CELA3B: variants seen among roughly 807,000 people sequenced by gnomAD.
CELA3B encodes chymotrypsin like elastase 3B.
CELA3B carries 34 observed loss-of-function variants against 37.2 expected under a neutral mutation model. The observed-to-expected ratio is 0.91, with a 90% CI of 0.70 to 1.22. CELA3B has a LOEUF of 1.22. Ranked by LOEUF, CELA3B falls within the 50% of genes most tolerant of loss-of-function variation. CELA3B has a pLI of 0.00. For synonymous variants in CELA3B, 127 were observed against 143.5 expected, an observed-to-expected ratio of 0.89 and a Z score of 0.82; for missense variants, 340 against 363.1, an observed-to-expected ratio of 0.94 and a Z score of 0.52.
chr1:21,998,336 A>G (rs1355526208), exon 5 of CELA3B: 14 of 406,530 alleles, frequency 3.4e-5, no homozygotes, highest in South Asian at 7.3e-5. Flanking sequence ...ACTGGGTTAT[A>G]TTCTGGGAGC....
At chr1:21,984,827 A>C (rs1460351066) in intron 6 of CELA3B, among the ~76,000 whole-genome samples, 1 of 150,952 alleles carries the variant, frequency 6.6e-6, no homozygotes, top group African/African-American at 2.4e-5. Context: ...GGTGCCTGTA[A>C]TCCCAGTTAT....
At position 21,980,715 on chromosome 1, in the gene CELA3B, T is replaced by C. The variant is rs891697083; in HGVS notation, c.130-109T>C. ...TTTCAGTGGGTGCTCTTGTTTTCCG[T>C]GTGAATGGCGCCCTCTAGAGTTGCA... On this transcript the variant is annotated intron_variant, in intron 2 of 7. Coordinates refer to ENST00000337107, the MANE Select transcript of CELA3B (RefSeq NM_007352.4). The C allele has an allele frequency of 2.3e-5, 18 of 797,400 alleles. No homozygotes were observed. The African/African-American group carries it at 2.6e-4, about 11-fold the overall frequency. The allele number at this position is 797,400 out of a possible 1,614,324, so 49.4% of individuals were successfully genotyped here.
At chr1:21,989,036 G>A (rs560318307) in intron 7 of CELA3B, among the ~76,000 whole-genome samples, 46 of 151,654 alleles carry the variant, frequency 3.0e-4, no homozygotes, top group Non-Finnish European at 6.2e-4. Flanking sequence ...CTAAATTCAT[G>A]CTGGCCATTG....
Position 21,986,685 on chromosome 1 carries a change from T to G in CELA3B, c.795+2T>G, listed in dbSNP as rs1569847965. The stretch of plus-strand genomic sequence containing the variant: ...GCCTTCATTGACTGGATTGAGGAGG[T>G]GAGGAGGGCAGGGCGGCCCGGAGGG... On this transcript the variant is annotated splice_donor_variant, in intron 7 of 7. Coordinates refer to ENST00000337107, the MANE Select transcript of CELA3B (RefSeq NM_007352.4). LOFTEE classifies it high-confidence loss of function. 1 of 1,611,344 alleles carries G rather than the reference T, an allele frequency of 6.2e-7. No homozygotes were observed. Among genetic ancestry groups the G allele is most frequent in the African/African-American group, 1.3e-5 (1 of 74,256 alleles).
chr1:21,983,301 G>A (rs1221990000), intron 4 of CELA3B, among the ~76,000 whole-genome samples: 1 of 151,960 alleles, frequency 6.6e-6, no homozygotes, highest in Admixed American at 6.6e-5. Context: ...GTTGCAGTGA[G>A]CCGAGATCAT....
downstream of CELA3B, among the ~76,000 whole-genome samples, chr1:21,994,001 G>A (rs1387483285): frequency 2.7e-5 from 4 of 150,204 alleles, no homozygotes; most frequent in African/African-American, 9.9e-5. Context: ...TCAGCAGCCA[G>A]AGACATGCTT....
Position 21,986,610 on chromosome 1 carries a change from C to T in CELA3B, c.722C>T (p.Ala241Val), listed in dbSNP as rs114895362. 1.2e-6 allele frequency: 2 copies of T among 1,613,626 alleles called. No homozygotes were observed. Among genetic ancestry groups the T allele is most frequent in the Non-Finnish European group, 1.7e-6 (2 of 1,179,714 alleles). Residue 241 changes from alanine (A) to valine (V), a missense_variant, in exon 7 of 8, where the codon GCC becomes GTC. Ala to Val is a moderately conservative substitution (Grantham distance 64). Transcript: ENST00000337107. ...QVHGVTSFVS[A>V]FGCNTRRKPT... ...CATGGCGTGACCAGCTTTGTTTCTG[C>T]CTTTGGCTGCAACACCCGCAGGAAG...
chr1:21,989,107 T>A (rs1299340652), intron 7 of CELA3B, among the ~76,000 whole-genome samples, 155 bp from the exon 8 acceptor site: 1 of 151,980 alleles, frequency 6.6e-6, no homozygotes, highest in Non-Finnish European at 1.5e-5. Flanking sequence ...GTTCTATCAT[T>A]ATCCCTACTA....
chr1:21,981,210 C>T, intron 4 of CELA3B, 38 bp downstream of exon 4: 2 of 1,603,820 alleles, frequency 1.2e-6, no homozygotes, highest in East Asian at 4.5e-5. Context: ...AGAGGCTCCT[C>T]TACTCATCCC....
rs762955133 is a variant in CELA3B at position 21,983,693 on chromosome 1, G to A, written c.363-1G>A. The A allele has an allele frequency of 1.2e-6, 2 of 1,613,554 alleles. No individual in the cohort carries two copies. Among genetic ancestry groups the A allele is most frequent in the South Asian group, 1.1e-5 (1 of 91,052 alleles). Reference sequence around the variant, plus strand: ...CCCCGTGACTGTTCCCTCCTCCCCAGCAATGACATCGCCCTCATCAAGCTC... The same window carrying A: ...CCCCGTGACTGTTCCCTCCTCCCCAACAATGACATCGCCCTCATCAAGCTC... On this transcript the variant is annotated splice_acceptor_variant, in intron 4 of 7. Transcript: ENST00000337107. LOFTEE classifies it high-confidence loss of function.
chr1:21,982,795 G>C (rs1390538269), intron 4 of CELA3B, among the ~76,000 whole-genome samples: 2 of 151,598 alleles, frequency 1.3e-5, no homozygotes, highest in African/African-American at 4.8e-5. Flanking sequence ...CTCCTGCCTC[G>C]GCCTCCCGGG....
At chr1:21,980,410 C>T (rs989979800) in intron 2 of CELA3B, among the ~76,000 whole-genome samples, 3 of 152,066 alleles carry the variant, frequency 2.0e-5, no homozygotes, top group African/African-American at 4.8e-5. Flanking sequence ...ACCCGGGAGG[C>T]GGAGGTTGAA....
At chr1:21,980,544 G>A (rs1287620118) in intron 2 of CELA3B, among the ~76,000 whole-genome samples, 1 of 146,408 alleles carries the variant, frequency 6.8e-6, no homozygotes, top group Non-Finnish European at 1.5e-5. Flanking sequence ...GGGCTCTCAA[G>A]AAACAGAAGG....
In CELA3B at chr1:21,997,506, G is replaced by A. The variant is rs558064698; in HGVS notation, c.505-645G>A. On this transcript the variant is annotated intron_variant, in intron 4 of 4. Transcript: ENST00000400277. ...AGTTTGAGAACAGCCTGGCCAATGTGGTGAAACCCTGCCTCTACTAAAAAT... is the reference window on the plus strand; with the variant it reads ...AGTTTGAGAACAGCCTGGCCAATGTAGTGAAACCCTGCCTCTACTAAAAAT... Among the ~76,000 whole-genome samples, 242 of 150,886 alleles carry A rather than the reference G, an allele frequency of 1.6e-3. 11 individuals are homozygous for A. Among genetic ancestry groups the A allele is most frequent in the African/African-American group, 5.8e-3 (236 of 40,702 alleles).
At chr1:21,995,146 T>TTTC (rs1644885184) in intron 4 of CELA3B, among the ~76,000 whole-genome samples, 1 of 113,826 alleles carries the variant, frequency 8.8e-6, no homozygotes, top group African/African-American at 3.1e-5. Flanking sequence ...TTTTCTTTCT[T>TTTC]TTTTTTTTTT....
intron 2 of CELA3B, among the ~76,000 whole-genome samples, chr1:21,979,044 T>C (rs1373321441): frequency 1.1e-4 from 2 of 18,684 alleles, no homozygotes; most frequent in African/African-American, 1.9e-4. Flanking sequence ...TGAGACTCTG[T>C]CTCAAAAAAA....
chr1:21,988,244 AGTGATGAT>A (rs1274335932), intron 7 of CELA3B, among the ~76,000 whole-genome samples: 1 of 133,422 alleles, frequency 7.5e-6, no homozygotes, highest in African/African-American at 3.2e-5. Flanking sequence ...ACAAAAAAAC[AGTGATGAT>A]TTATAGACCA....
Position 21,981,115 on chromosome 1 carries a change from T to A in CELA3B, c.305T>A (p.Ile102Asn). 1 of 1,613,258 alleles carries A rather than the reference T, an allele frequency of 6.2e-7. No individual in the cohort carries two copies. The highest frequency in any genetic ancestry group is 8.5e-7 in the Non-Finnish European group (1 of 1,180,010). Reference sequence around the variant, plus strand: ...GAGGGCCCCGAGCAGGTGATCCCCATCAACTCTGGGGACCTCTTTGTGCAT... The same window carrying A: ...GAGGGCCCCGAGCAGGTGATCCCCAACAACTCTGGGGACCTCTTTGTGCAT... ...VKEGPEQVIPINSGDLFVHPL... is the reference protein window; with the variant it reads ...VKEGPEQVIPNNSGDLFVHPL... The change falls in exon 4 of 8, where the codon ATC becomes AAC. Residue 102 changes from isoleucine (I) to asparagine (N), a missense_variant. Coordinates refer to ENST00000337107, the MANE Select transcript of CELA3B (RefSeq NM_007352.4).
chr1:21,996,615 C>T lies in CELA3B; in HGVS notation c.505-1536C>T, dbSNP rs541644460. ...ATTAACTTGCTTTCACTTTCCTCTACGAACTCGCCCTGAATTCTTTCTTGC... is the reference window on the plus strand; with the variant it reads ...ATTAACTTGCTTTCACTTTCCTCTATGAACTCGCCCTGAATTCTTTCTTGC... On this transcript the variant is annotated intron_variant, in intron 4 of 4. Coordinates refer to the CELA3B transcript ENST00000400277. Among the ~76,000 whole-genome samples the T allele has an allele frequency of 7.9e-5, 12 of 151,362 alleles. No homozygotes were observed. In the South Asian group the frequency reaches 1.7e-3, roughly 21 times the overall value.
Sources: allele counts gnomAD v4.1 joint callset (sites outside exome capture counted in the v4.1 genomes callset), GRCh38; gene constraint gnomAD v4.1.1; transcripts MANE v1.5; gene names NCBI Gene and HGNC (gene_info 2026-07-23, HGNC 2026-07-21).